Variants in EXOC6B observed in about 807,000 individuals in gnomAD.
The protein encoded by EXOC6B is SEC15 homolog B.
EXOC6B carries 54 observed loss-of-function variants against 113.5 expected under a neutral mutation model. The ratio of observed to expected loss-of-function variants is 0.48; its 90% CI spans 0.38 to 0.60. The LOEUF (loss-of-function observed/expected upper bound fraction) is 0.60. Ranked by LOEUF, EXOC6B falls within the 20% of genes least tolerant of loss-of-function variation. The pLI, the probability that EXOC6B is intolerant of heterozygous loss-of-function variation, is 0.00. For synonymous variants in EXOC6B, 357 were observed against 339.0 expected, an observed-to-expected ratio of 1.05 and a Z score of -0.58; for missense variants, 797 against 977.5, an observed-to-expected ratio of 0.82 and a Z score of 2.46.
chr2:72,653,031 T>C lies in EXOC6B; in HGVS notation c.669+65072A>G, dbSNP rs577304730. Among the ~76,000 whole-genome samples the C allele has an allele frequency of 3.3e-5, 5 of 151,940 alleles. No homozygotes were observed. In the East Asian group the frequency reaches 5.8e-4, roughly 18 times the overall value. Reference sequence around the variant, plus strand: ...AAAACATTACTCTTTTATAATCCTGTTGCCATTTTCCAGAAAGCAATATGT... The same window carrying C: ...AAAACATTACTCTTTTATAATCCTGCTGCCATTTTCCAGAAAGCAATATGT... On this transcript the variant is annotated intron_variant, in intron 6 of 21. Coordinates refer to ENST00000272427, the MANE Select transcript of EXOC6B (RefSeq NM_015189.3).
At chr2:72,749,030 T>C (rs769700014) in intron 1 of EXOC6B, among the ~76,000 whole-genome samples, 11 of 152,248 alleles carry the variant, frequency 7.2e-5, no homozygotes, top group Admixed American at 5.2e-4. Flanking sequence ...AACAGGATTA[T>C]TAGTGGCTTC....
At chr2:72,696,017 A>T (rs577749525) in intron 6 of EXOC6B, among the ~76,000 whole-genome samples, 1 of 152,224 alleles carries the variant, frequency 6.6e-6, no homozygotes, top group East Asian at 1.9e-4. Flanking sequence ...TATATATATA[A>T]TTTTCATCTT....
intron 21 of EXOC6B, among the ~76,000 whole-genome samples, 152 bp from the exon 22 acceptor site, chr2:72,179,613 T>C (rs1677959976): frequency 6.6e-6 from 1 of 152,112 alleles, no homozygotes; most frequent in Non-Finnish European, 1.5e-5. Flanking sequence ...CACACTCACC[T>C]ACTCATCAGG....
At chr2:72,747,843 T>C (rs895145822) in intron 1 of EXOC6B, among the ~76,000 whole-genome samples, 5 of 152,094 alleles carry the variant, frequency 3.3e-5, no homozygotes, top group Admixed American at 3.3e-4. Context: ...GATTCTATTA[T>C]GTGCTCCTCC....
rs577117360 is a variant in EXOC6B at position 72,825,615 on chromosome 2, G to A, written c.113+183C>T. Among the ~76,000 whole-genome samples the A allele has an allele frequency of 2.6e-4, 39 of 152,320 alleles. 1 individual carries two copies. Among genetic ancestry groups the A allele is most frequent in the Admixed American group, 2.2e-3 (33 of 15,306 alleles). On this transcript the variant is annotated intron_variant, in intron 1 of 21. Transcript: ENST00000272427. This position sits in a 1 kb window ranked among gnomAD's most constrained non-coding sequence, Gnocchi z 4.4. ...AGGGTCCTGAGTCACTGGGCTGTAG[G>A]GCGCCGGGAAGGGACCCCGCGTCGG...
intron 18 of EXOC6B, among the ~76,000 whole-genome samples, chr2:72,385,013 T>TA (rs951390574): frequency 5.3e-5 from 8 of 152,064 alleles, no homozygotes; most frequent in Non-Finnish European, 8.8e-5. Context: ...TAAATAATGC[T>TA]AAAGTTCGTA....
At chr2:72,709,673 T>TC (rs1304451512) in intron 6 of EXOC6B, among the ~76,000 whole-genome samples, 2 of 152,292 alleles carry the variant, frequency 1.3e-5, no homozygotes, top group African/African-American at 4.8e-5. Flanking sequence ...AAATTAAATT[T>TC]CTTTTTTTTA....
chr2:72,479,649 T>C (rs1162031114), intron 17 of EXOC6B, among the ~76,000 whole-genome samples: 1 of 152,198 alleles, frequency 6.6e-6, no homozygotes, highest in African/African-American at 2.4e-5. Context: ...GTTTGAGATG[T>C]TGTCCTATTA....
chr2:72,805,333 A>C (rs1358033048), intron 1 of EXOC6B, among the ~76,000 whole-genome samples: 1 of 152,214 alleles, frequency 6.6e-6, no homozygotes, highest in African/African-American at 2.4e-5. Flanking sequence ...TGTTGTCCAA[A>C]GCATGAATTT....
At chr2:72,626,426 G>A (rs1672054381) in intron 6 of EXOC6B, among the ~76,000 whole-genome samples, 1 of 152,012 alleles carries the variant, frequency 6.6e-6, no homozygotes, top group Non-Finnish European at 1.5e-5. Context: ...AATTTTTAGA[G>A]GTATCTTCTC....
intron 6 of EXOC6B, 97 bp from the exon 7 acceptor site, chr2:72,575,765 T>TTTG: frequency 8.6e-7 from 1 of 1,161,080 alleles, no homozygotes; most frequent in Non-Finnish European, 1.2e-6. Flanking sequence ...TTAATTAAGC[T>TTTG]TTCAACAAAC....
At chr2:72,222,090 T>C (rs1680905143) in intron 20 of EXOC6B, among the ~76,000 whole-genome samples, 1 of 152,210 alleles carries the variant, frequency 6.6e-6, no homozygotes, top group Non-Finnish European at 1.5e-5. Flanking sequence ...AAGAGCTTCA[T>C]GGAGAATTCA....
intron 20 of EXOC6B, among the ~76,000 whole-genome samples, chr2:72,270,232 G>C (rs1190447170): frequency 6.6e-6 from 1 of 152,098 alleles, no homozygotes; most frequent in East Asian, 1.9e-4. Flanking sequence ...ACCCCTGGGT[G>C]GTCAAAATTT....
chr2:72,379,072 G>C (rs76247048), intron 19 of EXOC6B, among the ~76,000 whole-genome samples: 96 of 152,226 alleles, frequency 6.3e-4, no homozygotes, highest in Non-Finnish European at 1.3e-3. Flanking sequence ...ATAGGTGAAG[G>C]CTGTTCCATT....
intron 2 of EXOC6B, among the ~76,000 whole-genome samples, chr2:72,736,886 T>A (rs1356280351): frequency 4.6e-5 from 7 of 152,092 alleles, no homozygotes; most frequent in Admixed American, 4.6e-4. Flanking sequence ...ATGGGATGGC[T>A]AGGTGAGGAC....
chr2:72,626,665 C>T (rs1672070997), intron 6 of EXOC6B, among the ~76,000 whole-genome samples: 1 of 151,998 alleles, frequency 6.6e-6, no homozygotes. Flanking sequence ...TAGATAATAA[C>T]GACAAAGACA....
chr2:72,574,111 CAAAAA>C (rs11364486), intron 7 of EXOC6B, among the ~76,000 whole-genome samples: 3 of 110,320 alleles, frequency 2.7e-5, no homozygotes, highest in Non-Finnish European at 1.9e-5. Context: ...GACTCCATCG[CAAAAA>C]AAAAAAAAAA....
At chr2:72,621,519 A>AT (rs1367143014) in intron 6 of EXOC6B, among the ~76,000 whole-genome samples, 1 of 152,114 alleles carries the variant, frequency 6.6e-6, no homozygotes, top group Non-Finnish European at 1.5e-5. Context: ...GAAATTAGGG[A>AT]GGGGGATGTG....
At chr2:72,534,126 A>G (rs1210330327) in intron 8 of EXOC6B, among the ~76,000 whole-genome samples, 1 of 152,192 alleles carries the variant, frequency 6.6e-6, no homozygotes, top group Non-Finnish European at 1.5e-5. Context: ...CAAAGCTCCT[A>G]AATTTGAAAG....
Sources: gnomAD v4.1 joint callset for allele counts (sites outside exome capture counted in the v4.1 genomes callset) on GRCh38, gnomAD v4.1.1 for gene constraint, Gnocchi (gnomAD v3.1) non-coding constraint, MANE v1.5 for transcripts, NCBI Gene and HGNC (gene_info 2026-07-23, HGNC 2026-07-21) for gene names.